CYB5A: variants seen among roughly 807,000 people sequenced by gnomAD.
The protein encoded by CYB5A is cytochrome b5 type A, also known as cytochrome b5.
CYB5A carries 10 observed loss-of-function variants against 16.2 expected under a neutral mutation model. That is an observed-to-expected ratio of 0.62 (90% CI 0.38 to 1.04). CYB5A has a LOEUF of 1.04. CYB5A is among the 50% of genes least tolerant of loss of function. The pLI is 0.01. For missense variants in CYB5A, 161 were observed against 165.9 expected, an observed-to-expected ratio of 0.97 and a Z score of 0.16; for synonymous variants, 62 against 57.0, an observed-to-expected ratio of 1.09 and a Z score of -0.40.
Position 74,263,353 on chromosome 18 carries a change from T to C in CYB5A, c.254A>G (p.His85Arg). 1 of 1,614,056 alleles carries C rather than the reference T, an allele frequency of 6.2e-7. No homozygotes were observed. The highest frequency in any genetic ancestry group is 8.5e-7 in the Non-Finnish European group (1 of 1,179,928). ...GGGCCCCCAAAATGTACTTACTGGA[T>C]GGAGCTCCCCAATGATGAATGTTTT... ...MSKTFIIGELHPDDRPKLNKP... is the reference protein window; with the variant it reads ...MSKTFIIGELRPDDRPKLNKP... The change falls in exon 2 of 5, where the codon CAT becomes CGT. Residue 85 changes from histidine (H) to arginine (R), a missense_variant. Transcript: ENST00000340533.
chr18:74,262,490 G>A (rs1228749906), intron 2 of CYB5A, among the ~76,000 whole-genome samples: 2 of 151,118 alleles, frequency 1.3e-5, no homozygotes, highest in African/African-American at 4.9e-5. Flanking sequence ...AGCCAAATTA[G>A]GCCAGTGTTT....
At chr18:74,265,572 T>C (rs1982400738) in intron 1 of CYB5A, among the ~76,000 whole-genome samples, 1 of 152,224 alleles carries the variant, frequency 6.6e-6, no homozygotes, top group South Asian at 2.1e-4. Flanking sequence ...CCAGTGTCTC[T>C]ATGTTAGTCT....
intron 1 of CYB5A, among the ~76,000 whole-genome samples, chr18:74,278,712 C>T (rs1431416149): frequency 1.3e-5 from 2 of 152,200 alleles, no homozygotes; most frequent in African/African-American, 4.8e-5. Flanking sequence ...AGGTCTTATG[C>T]ACAGCCTGTG....
At chr18:74,276,204 A>C (rs1982868619) in intron 1 of CYB5A, among the ~76,000 whole-genome samples, 1 of 151,996 alleles carries the variant, frequency 6.6e-6, no homozygotes, top group Admixed American at 6.5e-5. Flanking sequence ...CAACATCCTA[A>C]ATTTTCAGAC....
intron 3 of CYB5A, chr18:74,259,701 A>T (rs1452106074): frequency 6.7e-6 from 1 of 148,896 alleles, no homozygotes; most frequent in African/African-American, 2.6e-5. Flanking sequence ...TGAACACATG[A>T]TAAAAAAAAT....
intron 1 of CYB5A, among the ~76,000 whole-genome samples, chr18:74,271,290 G>C (rs537381031): frequency 6.6e-6 from 1 of 152,310 alleles, no homozygotes; most frequent in South Asian, 2.1e-4. Flanking sequence ...GGCCTTCCCT[G>C]AGACAGCCTC....
intron 1 of CYB5A, among the ~76,000 whole-genome samples, chr18:74,285,050 G>A (rs552654571): frequency 5.3e-5 from 8 of 152,116 alleles, no homozygotes; most frequent in Non-Finnish European, 1.0e-4. Context: ...AGAAAACTAG[G>A]TCCAAGGGTA....
At chr18:74,256,864 A>C in intron 3 of CYB5A, 1 of 1,613,134 alleles carries the variant, frequency 6.2e-7, no homozygotes, top group East Asian at 2.2e-5. Flanking sequence ...CTGACACAGT[A>C]GGGGAAAAAA....
chr18:74,280,102 T>C (rs190674833), intron 1 of CYB5A, among the ~76,000 whole-genome samples: 15 of 152,086 alleles, frequency 9.9e-5, no homozygotes, highest in Admixed American at 9.8e-4. Context: ...TTAAATACGG[T>C]GGTCAGGTGA....
At chr18:74,281,111 T>C (rs1983083478) in intron 1 of CYB5A, among the ~76,000 whole-genome samples, 1 of 152,036 alleles carries the variant, frequency 6.6e-6, no homozygotes, top group Non-Finnish European at 1.5e-5. Context: ...AATGTCCTGG[T>C]GGACTGGATG....
At chr18:74,266,035 A>G (rs979321849) in intron 1 of CYB5A, among the ~76,000 whole-genome samples, 11 of 152,326 alleles carry the variant, frequency 7.2e-5, no homozygotes, top group African/African-American at 2.6e-4. Flanking sequence ...TTGTATAGGC[A>G]TTCCCCAATT....
chr18:74,260,701 G>A, intron 3 of CYB5A: 1 of 636,954 alleles, frequency 1.6e-6, no homozygotes. Context: ...TTTACTGACA[G>A]CCTTAAAAAA....
chr18:74,254,296 G>A (rs12970074), intron 4 of CYB5A, among the ~76,000 whole-genome samples: 1 of 151,598 alleles, frequency 6.6e-6, no homozygotes, highest in African/African-American at 2.4e-5. Context: ...TTTAAGCTTA[G>A]GTTTGGAAAA....
intron 1 of CYB5A, among the ~76,000 whole-genome samples, chr18:74,274,822 T>C (rs1378500655): frequency 1.3e-5 from 2 of 152,204 alleles, no homozygotes; most frequent in African/African-American, 4.8e-5. Flanking sequence ...TACATTTTAG[T>C]GGCCTTGCAG....
chr18:74,274,089 T>C (rs1296538179), intron 1 of CYB5A, among the ~76,000 whole-genome samples: 2 of 151,916 alleles, frequency 1.3e-5, no homozygotes, highest in Non-Finnish European at 2.9e-5. Flanking sequence ...AAATAAGGAG[T>C]CCACTTTCCC....
At chr18:74,262,740 G>A (rs1982259751) in intron 2 of CYB5A, among the ~76,000 whole-genome samples, 1 of 152,178 alleles carries the variant, frequency 6.6e-6, no homozygotes, top group South Asian at 2.1e-4. Context: ...AGCAATGCTG[G>A]GTTGATTCTC....
In CYB5A at chr18:74,291,794, G is replaced by T. The variant is rs1021122191; in HGVS notation, c.82C>A (p.Leu28Met). ...QKHNHSKSTW[L>M]ILHHKVYDLT... is the part of the protein sequence containing the mutation. ...TCGTACACCTTGTGGTGCAGGATCA[G>T]CCAGGTGCTCTTGCTGTGGTTGTGC... Residue 28 changes from leucine (L) to methionine (M), a missense_variant, in exon 1 of 5, where the codon CTG becomes ATG. Leu to Met is a conservative substitution (Grantham distance 15). Transcript: ENST00000340533. 6.2e-7 allele frequency: 1 copy of T among 1,613,888 alleles called. No individual in the cohort carries two copies. The highest frequency in any genetic ancestry group is 8.5e-7 in the Non-Finnish European group (1 of 1,179,840).
At chr18:74,283,593 T>C (rs987056623) in intron 1 of CYB5A, among the ~76,000 whole-genome samples, 2 of 152,242 alleles carry the variant, frequency 1.3e-5, no homozygotes, top group Admixed American at 1.3e-4. Flanking sequence ...TTTGTTCAGA[T>C]ATTTGCATCA....
intron 1 of CYB5A, among the ~76,000 whole-genome samples, chr18:74,281,109 G>A (rs1331323933): frequency 1.3e-5 from 2 of 152,124 alleles, no homozygotes; most frequent in African/African-American, 4.8e-5. Context: ...AGAATGTCCT[G>A]GTGGACTGGA....
Sources: allele counts gnomAD v4.1 joint callset (sites outside exome capture counted in the v4.1 genomes callset), GRCh38; gene constraint gnomAD v4.1.1; transcripts MANE v1.5; gene names NCBI Gene and HGNC (gene_info 2026-07-23, HGNC 2026-07-21).